Variants in SOX14 observed in about 807,000 individuals in gnomAD.
SOX14 encodes transcription factor SOX-14.
In SOX14, 5 loss-of-function variants were observed where a neutral mutation model predicts 14.8. That is an observed-to-expected ratio of 0.34 (90% CI 0.18 to 0.71). The LOEUF (loss-of-function observed/expected upper bound fraction) is 0.71. Ranked by LOEUF, SOX14 falls within the 30% of genes least tolerant of loss-of-function variation. SOX14 has a pLI of 0.64. For missense variants in SOX14, 270 were observed against 329.7 expected, an observed-to-expected ratio of 0.82 and a Z score of 1.40; for synonymous variants, 164 against 146.3, an observed-to-expected ratio of 1.12 and a Z score of -0.87.
rs1045803492 is a variant in SOX14, at chr3:137,765,983, G to T, written c.*476G>T. On this transcript the variant is annotated 3_prime_UTR_variant, in exon 1 of 1. Coordinates refer to ENST00000306087, the MANE Select transcript of SOX14 (RefSeq NM_004189.4). The stretch of plus-strand genomic sequence containing the variant: ...TAGGAGCCATTTGCTCTTCATGTAT[G>T]GGGGGGAAAGGCTTCAAAGTTTTAA... 3.6e-4 allele frequency: 56 copies of T among 153,918 alleles called. No individual in the cohort carries two copies. Among genetic ancestry groups the T allele is most frequent in the Non-Finnish European group, 3.5e-4 (24 of 69,396 alleles). 9.5% of individuals were successfully genotyped at this position (153,918 alleles called of 1,614,324 possible).
Position 137,764,610 on chromosome 3 carries a change from A to C in SOX14, c.-175A>C, listed in dbSNP as rs1033072111. The C allele has an allele frequency of 2.9e-5, 14 of 476,030 alleles. No individual in the cohort carries two copies. Among genetic ancestry groups the C allele is most frequent in the Non-Finnish European group, 3.2e-5 (10 of 314,946 alleles). The allele number at this position is 476,030 out of a possible 1,614,324, so 29.5% of individuals were successfully genotyped here. A position where few individuals can be genotyped will look rare whatever the true frequency, so the allele number is the denominator to read the frequency against. Reference sequence around the variant, plus strand: ...GGGCTGCCTGGGCGCTGGGACTGGCATGATCAGCTGAACTTTGTGGGGTCA... The same window carrying C: ...GGGCTGCCTGGGCGCTGGGACTGGCCTGATCAGCTGAACTTTGTGGGGTCA... On this transcript the variant is annotated 5_prime_UTR_variant, in exon 1 of 1. The change abolishes an upstream ATG in the 5' untranslated region. Transcript: ENST00000306087.
Position 137,765,627 on chromosome 3 carries a change from A to C in SOX14, c.*120A>C. 2 of 1,277,320 alleles carry C rather than the reference A, an allele frequency of 1.6e-6. No individual in the cohort carries two copies. The highest frequency in any genetic ancestry group is 2.6e-5 in the East Asian group (1 of 38,762). The allele number at this position is 1,277,320 out of a possible 1,614,324, so 79.1% of individuals were successfully genotyped here. On this transcript the variant is annotated 3_prime_UTR_variant, in exon 1 of 1. Coordinates refer to ENST00000306087, the MANE Select transcript of SOX14 (RefSeq NM_004189.4). ...CAGCCCTGCCGCTGTCCCTTACACC[A>C]CCCAGACTTTTCCTCTCTCTTCCAG...
rs1278145357 is a variant in SOX14 at position 137,764,739 on chromosome 3, C to T, written c.-46C>T. 1.9e-6 allele frequency: 3 copies of T among 1,593,046 alleles called. No individual in the cohort carries two copies. Among genetic ancestry groups the T allele is most frequent in the Non-Finnish European group, 2.6e-6 (3 of 1,171,400 alleles). ...GGCCAGCCGCGCCCAGGCTCGTCTG[C>T]AGAACCCTTGCACTCCCTACCCCCA... On this transcript the variant is annotated 5_prime_UTR_variant, in exon 1 of 1. Coordinates refer to ENST00000306087, the MANE Select transcript of SOX14 (RefSeq NM_004189.4).
Position 137,764,948 on chromosome 3 carries a change from G to T in SOX14, c.164G>T (p.Arg55Leu). The change falls in exon 1 of 1, where the codon CGG (arginine) becomes CTG (leucine). Residue 55 changes from arginine to leucine, a missense_variant. Physicochemically the swap from Arg to Leu is moderately radical, Grantham distance 102. Around this residue, in one of 2 missense-constraint regions of SOX14, gnomAD observed 63 missense variants for 118.8 expected, o/e 0.53. Transcript: ENST00000306087. ...EWKLLSEAEKRPYIDEAKRLR... is the reference protein window; with the variant it reads ...EWKLLSEAEKLPYIDEAKRLR... ...AAGCTTCTGTCCGAGGCAGAGAAGC[G>T]GCCATACATCGATGAAGCCAAGCGG... 1 of 1,614,264 alleles carries T rather than the reference G, an allele frequency of 6.2e-7. No individual in the cohort carries two copies. Among genetic ancestry groups the T allele is most frequent in the African/African-American group, 1.3e-5 (1 of 75,070 alleles).
Position 137,764,523 on chromosome 3 carries a change from T to A in SOX14, c.-262T>A. On this transcript the variant is annotated 5_prime_UTR_variant, in exon 1 of 1. Transcript: ENST00000306087. The stretch of plus-strand genomic sequence containing the variant: ...TACTTGGGTCCCAGCCCCTGGTGCC[T>A]GAAGCCCCCCGGCCGATCGCCCTCT... 2.9e-6 allele frequency: 1 copy of A among 344,662 alleles called. No homozygotes were observed. The highest frequency in any genetic ancestry group is 5.3e-6 in the Non-Finnish European group (1 of 189,120). 21.4% of individuals were successfully genotyped at this position (344,662 alleles called of 1,614,324 possible).
chr3:137,765,600 G>C lies in SOX14; in HGVS notation c.*93G>C. The C allele has an allele frequency of 6.8e-7, 1 of 1,465,928 alleles. No individual in the cohort carries two copies. Among genetic ancestry groups the C allele is most frequent in the South Asian group, 1.4e-5 (1 of 71,472 alleles). The allele number at this position is 1,465,928 out of a possible 1,614,324, so 90.8% of individuals were successfully genotyped here. ...GCCCCGGCCTGCAGACGCCTCCGGGGTCAGCCCTGCCGCTGTCCCTTACAC... is the reference window on the plus strand; with the variant it reads ...GCCCCGGCCTGCAGACGCCTCCGGGCTCAGCCCTGCCGCTGTCCCTTACAC... On this transcript the variant is annotated 3_prime_UTR_variant, in exon 1 of 1. Coordinates refer to ENST00000306087, the MANE Select transcript of SOX14 (RefSeq NM_004189.4).
chr3:137,764,565 T>A lies in SOX14; in HGVS notation c.-220T>A. ...TCGCCCTCTCCTCCCCCGCCCTTTC[T>A]GCCCCCACTCGCTCCCCCGGGGCTG... On this transcript the variant is annotated 5_prime_UTR_variant, in exon 1 of 1. Coordinates refer to ENST00000306087, the MANE Select transcript of SOX14 (RefSeq NM_004189.4). The A allele has an allele frequency of 3.1e-5, 4 of 130,220 alleles. No homozygotes were observed. Among genetic ancestry groups the A allele is most frequent in the Non-Finnish European group, 6.0e-5 (4 of 66,346 alleles). The allele number at this position is 130,220 out of a possible 1,614,324, so 8.1% of individuals were successfully genotyped here. A position where few individuals can be genotyped will look rare whatever the true frequency, so the allele number is the denominator to read the frequency against.
In SOX14 at chr3:137,764,664, C is replaced by G. The variant is rs542018425; in HGVS notation, c.-121C>G. ...CTTCTCTCTGGCTTCCCCTCAGCGG[C>G]GCCAAGGCGAGGGGAGCGCAGAACC... is the stretch of plus-strand genomic sequence containing the variant. On this transcript the variant is annotated 5_prime_UTR_variant, in exon 1 of 1. Transcript: ENST00000306087. 53 of 1,285,592 alleles carry G rather than the reference C, an allele frequency of 4.1e-5. No individual in the cohort carries two copies. In the South Asian group the frequency reaches 7.1e-4, roughly 17 times the overall value. The allele number at this position is 1,285,592 out of a possible 1,614,324, so 79.6% of individuals were successfully genotyped here.
In SOX14 at chr3:137,765,601, T is replaced by C; in HGVS notation, c.*94T>C. On this transcript the variant is annotated 3_prime_UTR_variant, in exon 1 of 1. Transcript: ENST00000306087. ...CCCCGGCCTGCAGACGCCTCCGGGG[T>C]CAGCCCTGCCGCTGTCCCTTACACC... 1 of 1,455,596 alleles carries C rather than the reference T, an allele frequency of 6.9e-7. No homozygotes were observed. The highest frequency in any genetic ancestry group is 9.2e-7 in the Non-Finnish European group (1 of 1,086,386). The allele number at this position is 1,455,596 out of a possible 1,614,324, so 90.2% of individuals were successfully genotyped here.
Position 137,766,061 on chromosome 3 carries a change from T to C in SOX14, c.*554T>C, listed in dbSNP as rs1174498461. ...AAAACCATGCTATGATAGTGTTTGC[T>C]TCTTTAAAGGGAAAACAAAAAGGAC... On this transcript the variant is annotated 3_prime_UTR_variant, in exon 1 of 1. Transcript: ENST00000306087. 1.3e-5 allele frequency: 2 copies of C among 152,340 alleles called. No homozygotes were observed. Among genetic ancestry groups the C allele is most frequent in the East Asian group, 3.8e-4 (2 of 5,204 alleles). 9.4% of individuals were successfully genotyped at this position (152,340 alleles called of 1,614,324 possible).
rs1357110371 is a variant in SOX14 at position 137,765,354 on chromosome 3, C to T, written c.570C>T (p.His190=). The change falls in exon 1 of 1, where the codon CAC becomes CAT. Residue 190 remains histidine (H), a synonymous_variant. Coordinates refer to ENST00000306087, the MANE Select transcript of SOX14 (RefSeq NM_004189.4). The stretch of plus-strand genomic sequence containing the variant: ...GCCCCAGCCAGCACACGCACACGCA[C>T]CCGTCCCCCACCAACCCTGGCTACG... ...LSCPSQHTHT[H]PSPTNPGYVV... 6.2e-7 allele frequency: 1 copy of T among 1,605,786 alleles called. No individual in the cohort carries two copies. Among genetic ancestry groups the T allele is most frequent in the Non-Finnish European group, 8.5e-7 (1 of 1,176,548 alleles).
rs748408046 is a variant in SOX14, at chr3:137,765,554, G to A, written c.*47G>A. 1 of 1,553,276 alleles carries A rather than the reference G, an allele frequency of 6.4e-7. No homozygotes were observed. Among genetic ancestry groups the A allele is most frequent in the East Asian group, 2.3e-5 (1 of 44,338 alleles). Reference sequence around the variant, plus strand: ...GAGGCGTGGTCTGAAAGCCGGGTCTGCACCCTGTCCTCTGAGCCTAGCCCC... The same window carrying A: ...GAGGCGTGGTCTGAAAGCCGGGTCTACACCCTGTCCTCTGAGCCTAGCCCC... On this transcript the variant is annotated 3_prime_UTR_variant, in exon 1 of 1. Coordinates refer to ENST00000306087, the MANE Select transcript of SOX14 (RefSeq NM_004189.4).
Position 137,765,705 on chromosome 3 carries a change from C to G in SOX14, c.*198C>G. On this transcript the variant is annotated 3_prime_UTR_variant, in exon 1 of 1. Coordinates refer to ENST00000306087, the MANE Select transcript of SOX14 (RefSeq NM_004189.4). ...CCAAGGCGCAGACAGGTACCGGAAA[C>G]TTGCAAACGTTATGTCAGCTACACA... is the stretch of plus-strand genomic sequence containing the variant. 2 of 611,542 alleles carry G rather than the reference C, an allele frequency of 3.3e-6. No individual in the cohort carries two copies. The highest frequency in any genetic ancestry group is 5.4e-6 in the Non-Finnish European group (2 of 373,354). 37.9% of individuals were successfully genotyped at this position (611,542 alleles called of 1,614,324 possible). A position where few individuals can be genotyped will look rare whatever the true frequency, so the allele number is the denominator to read the frequency against.
rs1051200347 is a variant in SOX14 at position 137,765,580 on chromosome 3, G to T, written c.*73G>T. ...CACCCTGTCCTCTGAGCCTAGCCCC[G>T]GCCTGCAGACGCCTCCGGGGTCAGC... On this transcript the variant is annotated 3_prime_UTR_variant, in exon 1 of 1. Transcript: ENST00000306087. The T allele has an allele frequency of 6.6e-7, 1 of 1,511,488 alleles. No individual in the cohort carries two copies. Among genetic ancestry groups the T allele is most frequent in the East Asian group, 2.3e-5 (1 of 43,576 alleles). The allele number at this position is 1,511,488 out of a possible 1,614,324, so 93.6% of individuals were successfully genotyped here. A position where few individuals can be genotyped will look rare whatever the true frequency, so the allele number is the denominator to read the frequency against.
Position 137,765,624 on chromosome 3 carries a change from AC to A in SOX14, c.*119del. ...GGTCAGCCCTGCCGCTGTCCCTTAC[AC>A]CACCCAGACTTTTCCTCTCTCTTCC... is the stretch of plus-strand genomic sequence containing the variant. On this transcript the variant is annotated 3_prime_UTR_variant, in exon 1 of 1. Transcript: ENST00000306087. The A allele has an allele frequency of 7.6e-7, 1 of 1,308,522 alleles. No homozygotes were observed. The highest frequency in any genetic ancestry group is 1.0e-6 in the Non-Finnish European group (1 of 968,824). The allele number at this position is 1,308,522 out of a possible 1,614,324, so 81.1% of individuals were successfully genotyped here.
In SOX14 at chr3:137,764,701, C is replaced by A. The variant is rs955647643; in HGVS notation, c.-84C>A. 3.3e-6 allele frequency: 5 copies of A among 1,525,870 alleles called. No individual in the cohort carries two copies. Among genetic ancestry groups the A allele is most frequent in the Admixed American group, 4.0e-5 (2 of 49,706 alleles). 94.5% of individuals were successfully genotyped at this position (1,525,870 alleles called of 1,614,324 possible). A position where few individuals can be genotyped will look rare whatever the true frequency, so the allele number is the denominator to read the frequency against. On this transcript the variant is annotated 5_prime_UTR_variant, in exon 1 of 1. Transcript: ENST00000306087. ...GGGAGCGCAGAACCCCGGCTCAGGA[C>A]GGACAGACAGACGGCCAGCCGCGCC...
At position 137,765,650 on chromosome 3, in the gene SOX14, C is replaced by G. The variant is rs1939231495; in HGVS notation, c.*143C>G. The stretch of plus-strand genomic sequence containing the variant: ...CCACCCAGACTTTTCCTCTCTCTTC[C>G]AGGGGGAAGGGTGGGGCGTCCTCCC... On this transcript the variant is annotated 3_prime_UTR_variant, in exon 1 of 1. Transcript: ENST00000306087. 3.5e-6 allele frequency: 4 copies of G among 1,149,788 alleles called. No individual in the cohort carries two copies. The highest frequency in any genetic ancestry group is 4.7e-6 in the Non-Finnish European group (4 of 845,096). The allele number at this position is 1,149,788 out of a possible 1,614,324, so 71.2% of individuals were successfully genotyped here.
Position 137,765,561 on chromosome 3 carries a change from G to C in SOX14, c.*54G>C. 8 of 1,543,560 alleles carry C rather than the reference G, an allele frequency of 5.2e-6. No homozygotes were observed. Among genetic ancestry groups the C allele is most frequent in the Non-Finnish European group, 5.2e-6 (6 of 1,144,176 alleles). ...GGTCTGAAAGCCGGGTCTGCACCCT[G>C]TCCTCTGAGCCTAGCCCCGGCCTGC... On this transcript the variant is annotated 3_prime_UTR_variant, in exon 1 of 1. Coordinates refer to ENST00000306087, the MANE Select transcript of SOX14 (RefSeq NM_004189.4).
rs1319367972 is a variant in SOX14, at chr3:137,765,767, G to T, written c.*260G>T. On this transcript the variant is annotated 3_prime_UTR_variant, in exon 1 of 1. Coordinates refer to ENST00000306087, the MANE Select transcript of SOX14 (RefSeq NM_004189.4). ...CCCGACTCTCCCAAAACAAATCTCCGACTGTACCCCCTTTGGACAAAAAAG... is the reference window on the plus strand; with the variant it reads ...CCCGACTCTCCCAAAACAAATCTCCTACTGTACCCCCTTTGGACAAAAAAG... 1 of 440,078 alleles carries T rather than the reference G, an allele frequency of 2.3e-6. No individual in the cohort carries two copies. Among genetic ancestry groups the T allele is most frequent in the East Asian group, 3.5e-5 (1 of 28,410 alleles). The allele number at this position is 440,078 out of a possible 1,614,324, so 27.3% of individuals were successfully genotyped here.
Sources: allele counts gnomAD v4.1 joint callset, GRCh38; gene constraint gnomAD v4.1.1; regional missense constraint gnomAD v4.1.1; transcripts MANE v1.5; gene names NCBI Gene and HGNC (gene_info 2026-07-23, HGNC 2026-07-21).